The following RIOX2 variants were observed in gnomAD, a reference collection of about 807,000 sequenced individuals.
The protein encoded by RIOX2 is ribosomal oxygenase 2.
Under a neutral mutation model 51.2 loss-of-function variants are expected in RIOX2, and 43 were observed. The ratio of observed to expected loss-of-function variants is 0.84; its 90% CI spans 0.66 to 1.08. The LOEUF (loss-of-function observed/expected upper bound fraction) is 1.08. Among genes scored for constraint, RIOX2 ranks in the 50% least tolerant of loss-of-function variants. RIOX2 has a pLI of 0.00. For synonymous variants in RIOX2, 226 were observed against 218.5 expected, an observed-to-expected ratio of 1.03 and a Z score of -0.30; for missense variants, 566 against 561.7, an observed-to-expected ratio of 1.01 and a Z score of -0.08.
At chr3:97,964,227 T>A (rs1304445885) in intron 2 of RIOX2, among the ~76,000 whole-genome samples, 7 of 152,186 alleles carry the variant, frequency 4.6e-5, no homozygotes, top group Admixed American at 4.6e-4. Context: ...GAAGACCACG[T>A]ATATGCCTAA....
chr3:97,949,284 C>T (rs1344486844), intron 7 of RIOX2, among the ~76,000 whole-genome samples: 3 of 152,090 alleles, frequency 2.0e-5, no homozygotes, highest in Non-Finnish European at 2.9e-5. Context: ...CACTTCTCCT[C>T]GCTCTTGCTT....
chr3:97,962,819 T>C (rs1443291563), intron 2 of RIOX2, among the ~76,000 whole-genome samples: 1 of 152,216 alleles, frequency 6.6e-6, no homozygotes, highest in Non-Finnish European at 1.5e-5. Context: ...AACTGAGGCA[T>C]GAGACCATGC....
At chr3:97,962,363 C>G (rs1209766835) in intron 2 of RIOX2, among the ~76,000 whole-genome samples, 4 of 120,064 alleles carry the variant, frequency 3.3e-5, no homozygotes, top group Non-Finnish European at 7.4e-5. Context: ...AAGACCCCCC[C>G]CCCCCCCCCC....
At position 97,944,838 on chromosome 3, in the gene RIOX2, A is replaced by G. The variant is rs999114420; in HGVS notation, c.*346T>C. ...AATTGTTTGAAATTTTTCTAGAGCC[A>G]AAGAAGCTCTTTAAAGAAGTTGTTT... On this transcript the variant is annotated 3_prime_UTR_variant, in exon 10 of 10. Transcript: ENST00000394198. 1 of 167,018 alleles carries G rather than the reference A, an allele frequency of 6.0e-6. No homozygotes were observed. The highest frequency in any genetic ancestry group is 1.3e-5 in the Non-Finnish European group (1 of 77,972). The allele number at this position is 167,018 out of a possible 1,614,324, so 10.3% of individuals were successfully genotyped here. A position where few individuals can be genotyped will look rare whatever the true frequency, so the allele number is the denominator to read the frequency against.
chr3:97,954,312 T>C lies in RIOX2; in HGVS notation c.785+80A>G, dbSNP rs553347141. On this transcript the variant is annotated intron_variant, in intron 5 of 9. Coordinates refer to ENST00000394198, the MANE Select transcript of RIOX2 (RefSeq NM_153182.4). ...GCATAGGAGGTAGGGGCCAACTCCC[T>C]CATATCCCTCCTGAATGTGGCTGCT... 12 of 1,031,728 alleles carry C rather than the reference T, an allele frequency of 1.2e-5. No individual in the cohort carries two copies. The East Asian group carries it at 2.9e-4, about 25-fold the overall frequency. 63.9% of individuals were successfully genotyped at this position (1,031,728 alleles called of 1,614,324 possible).
intron 4 of RIOX2, among the ~76,000 whole-genome samples, chr3:97,958,029 C>A (rs1705516864): frequency 6.6e-6 from 1 of 152,100 alleles, no homozygotes; most frequent in Non-Finnish European, 1.5e-5. Flanking sequence ...TGACCACTGA[C>A]TAAAAGCATA....
intron 1 of RIOX2, among the ~76,000 whole-genome samples, chr3:97,968,423 G>T (rs1163978918): frequency 6.6e-6 from 1 of 152,124 alleles, no homozygotes; most frequent in Non-Finnish European, 1.5e-5. Flanking sequence ...CCCTAACACA[G>T]CACTTCTCCA....
rs148146113 is a variant in RIOX2 at position 97,950,824 on chromosome 3, C to A, written c.850G>T (p.Val284Leu). 4 of 1,613,774 alleles carry A rather than the reference C, an allele frequency of 2.5e-6. No individual in the cohort carries two copies. The highest frequency in any genetic ancestry group is 1.3e-5 in the African/African-American group (1 of 74,980). ...GLVFDTAKEDVELRTGIPRQL... is the reference protein window; with the variant it reads ...GLVFDTAKEDLELRTGIPRQL... ...CGGGGTATGCCGGTCCGTAACTCCACGTCTTCCTTTGCAGTATCAAATACA... is the reference window on the plus strand; with the variant it reads ...CGGGGTATGCCGGTCCGTAACTCCAAGTCTTCCTTTGCAGTATCAAATACA... The change falls in exon 6 of 10, where the codon GTG becomes TTG. Residue 284 changes from valine (V) to leucine (L), a missense_variant. Coordinates refer to ENST00000394198, the MANE Select transcript of RIOX2 (RefSeq NM_153182.4).
At chr3:97,956,295 G>A (rs1470990287) in intron 4 of RIOX2, among the ~76,000 whole-genome samples, 1 of 152,196 alleles carries the variant, frequency 6.6e-6, no homozygotes, top group South Asian at 2.1e-4. Context: ...CCACCCTCCT[G>A]GCTGGAAAAC....
At position 97,942,621 on chromosome 3, in the gene RIOX2, AAAC is replaced by A. The variant is rs2040256858; in HGVS notation, c.*2560_*2562del. The A allele has an allele frequency of 6.9e-6, 4 of 579,074 alleles. No individual in the cohort carries two copies. Among genetic ancestry groups the A allele is most frequent in the African/African-American group, 1.9e-5 (1 of 52,824 alleles). The allele number at this position is 579,074 out of a possible 1,614,324, so 35.9% of individuals were successfully genotyped here. ...AACAAAACAATTAGCAGAAAAAGCC[AAAC>A]AACAAAGCTTAGGGTTTTTGTTCAT... On this transcript the variant is annotated 3_prime_UTR_variant, in exon 10 of 10. Transcript: ENST00000394198.
chr3:97,958,077 G>C (rs1705518941), intron 4 of RIOX2, among the ~76,000 whole-genome samples: 1 of 152,126 alleles, frequency 6.6e-6, no homozygotes, highest in African/African-American at 2.4e-5. Context: ...GTTGTTTATT[G>C]ATTTAAGTCT....
intron 3 of RIOX2, 78 bp from the exon 4 acceptor site, chr3:97,959,257 CT>C: frequency 1.9e-5 from 27 of 1,405,702 alleles, no homozygotes; most frequent in Non-Finnish European, 2.4e-5. Context: ...ACTATTAGCC[CT>C]CTAAGGGGCT....
At chr3:97,961,761 T>C in intron 2 of RIOX2, 53 bp from the exon 3 acceptor site, 2 of 1,530,312 alleles carry the variant, frequency 1.3e-6, no homozygotes, top group Non-Finnish European at 1.7e-6. Flanking sequence ...GAAAAATGTA[T>C]TAGAAATAAG....
chr3:97,945,737 C>A (rs2040339682), intron 9 of RIOX2, 61 bp downstream of exon 9: 1 of 1,279,398 alleles, frequency 7.8e-7, no homozygotes, highest in Non-Finnish European at 1.1e-6. Flanking sequence ...CAAAAATAAT[C>A]AATTCTTCCC....
intron 2 of RIOX2, 115 bp from the exon 3 acceptor site, chr3:97,961,823 T>A: frequency 9.1e-7 from 1 of 1,094,376 alleles, no homozygotes; most frequent in Non-Finnish European, 1.2e-6. Context: ...ACAACTATTA[T>A]ACACCAGATA....
Position 97,944,061 on chromosome 3 carries a change from A to C in RIOX2, c.*1123T>G, listed in dbSNP as rs570814802. 1 of 151,850 alleles carries C rather than the reference A, an allele frequency of 6.6e-6. No homozygotes were observed. Among genetic ancestry groups the C allele is most frequent in the East Asian group, 1.9e-4 (1 of 5,168 alleles). 9.4% of individuals were successfully genotyped at this position (151,850 alleles called of 1,614,324 possible). On this transcript the variant is annotated 3_prime_UTR_variant, in exon 10 of 10. Transcript: ENST00000394198. Reference sequence around the variant, plus strand: ...GTGACAAGACTCTATAACAGTGGTTACCTGTCTCCATGTTGACACTTCATC... The same window carrying C: ...GTGACAAGACTCTATAACAGTGGTTCCCTGTCTCCATGTTGACACTTCATC...
intron 2 of RIOX2, among the ~76,000 whole-genome samples, chr3:97,963,901 G>A (rs1271881243): frequency 1.3e-5 from 2 of 152,146 alleles, no homozygotes; most frequent in Admixed American, 6.5e-5. Flanking sequence ...GACTTCAGTT[G>A]TTTATCTTTA....
rs778282602 is a variant in RIOX2, at chr3:97,959,174, GA to G, written c.557del (p.Phe186SerfsTer41). 23 of 1,613,414 alleles carry G rather than the reference GA, an allele frequency of 1.4e-5. No homozygotes were observed. Among genetic ancestry groups the G allele is most frequent in the Non-Finnish European group, 1.7e-5 (20 of 1,179,766 alleles). ...LPPHYDDVEV[F>X]ILQLEGEKHW... ...GTTTCTCTCCCTCCAGCTGCAGGATGAAAACCTAGAGACCCACAAGGCCCAG... is the reference window on the plus strand; with the variant it reads ...GTTTCTCTCCCTCCAGCTGCAGGATGAAACCTAGAGACCCACAAGGCCCAG... On this transcript the variant is annotated frameshift_variant, in exon 4 of 10. Transcript: ENST00000394198. LOFTEE classifies it high-confidence loss of function.
chr3:97,953,474 T>TGTTCAAGTGATTCTCCTGC (rs1360584251), intron 5 of RIOX2, among the ~76,000 whole-genome samples: 1 of 151,992 alleles, frequency 6.6e-6, no homozygotes, highest in Non-Finnish European at 1.5e-5. Flanking sequence ...CCACCTCCTG[T>TGTTCAAGTGATTCTCCTGC]GTTCAAGTGA....
Sources: gnomAD v4.1 joint callset for allele counts (sites outside exome capture counted in the v4.1 genomes callset) on GRCh38, gnomAD v4.1.1 for gene constraint, MANE v1.5 for transcripts, NCBI Gene and HGNC (gene_info 2026-07-23, HGNC 2026-07-21) for gene names.